ANK2: variants seen among roughly 807,000 people sequenced by gnomAD.
ANK2 encodes ankyrin 2.
In ANK2, 83 loss-of-function variants were observed where a neutral mutation model predicts 360.5. The observed-to-expected ratio is 0.23, with a 90% CI of 0.19 to 0.28. The LOEUF (loss-of-function observed/expected upper bound fraction) is 0.28. ANK2 is among the 10% of genes least tolerant of loss of function. The probability of loss-of-function intolerance (pLI) is 1.00; values close to 1 mark genes in which losing one functional copy is unlikely to be tolerated. For missense variants in ANK2, 4,201 were observed against 4,795.7 expected, an observed-to-expected ratio of 0.88 and a Z score of 3.66; for synonymous variants, 1,740 against 1,759.5, an observed-to-expected ratio of 0.99 and a Z score of 0.28.
intron 1 of ANK2, among the ~76,000 whole-genome samples, chr4:112,836,916 A>T (rs2061109115): frequency 6.6e-6 from 1 of 152,238 alleles, no homozygotes; most frequent in South Asian, 2.1e-4. Flanking sequence ...GCCTGACCAT[A>T]TGGTAGAAAA....
the ANK2 span, among the ~76,000 whole-genome samples, chr4:112,763,602 G>A: frequency 1.4e-5 from 2 of 144,286 alleles, no homozygotes; most frequent in African/African-American, 2.6e-5. Context: ...GGGCGATCTC[G>A]GCTCACTGCA....
chr4:112,931,870 A>G (rs1324725739), intron 2 of ANK2, among the ~76,000 whole-genome samples: 1 of 152,220 alleles, frequency 6.6e-6, no homozygotes, highest in Non-Finnish European at 1.5e-5. Flanking sequence ...ATTGGAAGTG[A>G]CATGAAATCA....
At chr4:113,293,280 A>T in intron 21 of ANK2, 160 bp from the exon 22 acceptor site, 1 of 726,582 alleles carries the variant, frequency 1.4e-6, no homozygotes, top group Non-Finnish European at 2.5e-6. Flanking sequence ...GAAGTTACAA[A>T]GACAGATTTA....
chr4:113,203,367 A>G (rs2098877611), intron 4 of ANK2, among the ~76,000 whole-genome samples: 2 of 151,990 alleles, frequency 1.3e-5, no homozygotes, highest in Non-Finnish European at 1.5e-5. Flanking sequence ...CAAAATCATG[A>G]GTTTCTTTAA....
chr4:112,976,408 G>T (rs1048400003), intron 2 of ANK2, among the ~76,000 whole-genome samples: 1 of 152,048 alleles, frequency 6.6e-6, no homozygotes, highest in Non-Finnish European at 1.5e-5. Flanking sequence ...TGGTCAGGCT[G>T]GTCTTGAACT....
intron 2 of ANK2, among the ~76,000 whole-genome samples, chr4:112,948,827 A>T (rs544386991): frequency 2.6e-5 from 4 of 152,084 alleles, no homozygotes; most frequent in Admixed American, 2.0e-4. Context: ...TTGTTTTTAG[A>T]TGTTTAGACT....
Position 113,356,619 on chromosome 4 carries a change from A to T in ANK2, c.8001A>T (p.Glu2667Asp), listed in dbSNP as rs1278548395. The change falls in exon 38 of 46, where the codon GAA becomes GAT. Residue 2667 changes from glutamate to aspartate, a missense_variant. Around this residue, in one of 4 missense-constraint regions of ANK2, gnomAD observed 2,642 missense variants for 2,714.5 expected, o/e 0.97. Coordinates refer to ENST00000357077, the MANE Select transcript of ANK2 (RefSeq NM_001148.6). ...SRKVSSSSES[E>D]PELAQLKKGA... is the part of the protein sequence containing the mutation. ...AGGTGTCTTCCTCCTCAGAAAGTGA[A>T]CCTGAGTTGGCACAGCTTAAAAAAG... 1 of 1,613,926 alleles carries T rather than the reference A, an allele frequency of 6.2e-7. No individual in the cohort carries two copies. The highest frequency in any genetic ancestry group is 8.5e-7 in the Non-Finnish European group (1 of 1,179,976).
At chr4:112,764,985 C>T in the ANK2 span, among the ~76,000 whole-genome samples, 134 of 152,172 alleles carry the variant, frequency 8.8e-4, no homozygotes, top group Non-Finnish European at 1.6e-3. Context: ...GGATTACAGG[C>T]GTGAGCCACC....
intron 1 of ANK2, among the ~76,000 whole-genome samples, chr4:113,146,517 T>A (rs2096841849): frequency 6.6e-6 from 1 of 152,354 alleles, no homozygotes; most frequent in Middle Eastern, 3.4e-3. Context: ...CTTTTCTTGT[T>A]ATGATAGTAA....
chr4:113,259,221 T>G (rs1191492632), intron 13 of ANK2, among the ~76,000 whole-genome samples: 1 of 152,132 alleles, frequency 6.6e-6, no homozygotes, highest in Non-Finnish European at 1.5e-5. Flanking sequence ...AGAGAACTTC[T>G]TTGCACAAGG....
At chr4:113,032,967 T>C (rs1313615139) in intron 2 of ANK2, among the ~76,000 whole-genome samples, 1 of 152,044 alleles carries the variant, frequency 6.6e-6, no homozygotes, top group African/African-American at 2.4e-5. Flanking sequence ...ATTCACTATA[T>C]CATAAAATAG....
At chr4:113,250,757 C>CCG (rs1409447290) in intron 10 of ANK2, among the ~76,000 whole-genome samples, 8 of 123,350 alleles carry the variant, frequency 6.5e-5, no homozygotes, top group African/African-American at 2.1e-4. Flanking sequence ...ATACCACCGC[C>CCG]CCCCCCCCCG....
intron 1 of ANK2, among the ~76,000 whole-genome samples, chr4:113,116,699 G>GGCAGCA (rs370654108): frequency 2.0e-5 from 3 of 151,752 alleles, no homozygotes; most frequent in Admixed American, 6.6e-5. Flanking sequence ...GCAGTAGCAC[G>GGCAGCA]GCAGCAGCAG....
At chr4:113,000,900 T>C (rs2050375388) in intron 2 of ANK2, among the ~76,000 whole-genome samples, 1 of 59,174 alleles carries the variant, frequency 1.7e-5, no homozygotes, top group Non-Finnish European at 4.0e-5. Flanking sequence ...TAATGACTAC[T>C]TCTTTATTTT....
At chr4:113,125,374 A>G (rs999617872) in intron 1 of ANK2, among the ~76,000 whole-genome samples, 27 of 152,180 alleles carry the variant, frequency 1.8e-4, no homozygotes, top group African/African-American at 5.5e-4. Flanking sequence ...AGTTTAGCCG[A>G]TAACCCTTTC....
intron 14 of ANK2, among the ~76,000 whole-genome samples, chr4:113,271,704 T>C (rs554504791): frequency 9.8e-5 from 15 of 152,290 alleles, no homozygotes; most frequent in African/African-American, 3.4e-4. Flanking sequence ...TCACAATATA[T>C]AACAAAAGAA....
At chr4:113,151,135 C>A in intron 1 of ANK2, 1 of 1,285,122 alleles carries the variant, frequency 7.8e-7, no homozygotes, top group African/African-American at 1.5e-5. Flanking sequence ...GTGATGGAAG[C>A]AAAAAAACAC....
At chr4:112,896,804 G>T (rs2081894154) in intron 1 of ANK2, among the ~76,000 whole-genome samples, 1 of 152,088 alleles carries the variant, frequency 6.6e-6, no homozygotes. Context: ...ATTCAGCCTT[G>T]GAACCACGGC....
intron 2 of ANK2, among the ~76,000 whole-genome samples, chr4:112,987,153 A>G (rs2045176246): frequency 6.6e-6 from 1 of 152,210 alleles, no homozygotes; most frequent in Non-Finnish European, 1.5e-5. Flanking sequence ...TAATTTCAAA[A>G]TATTGCATGG....
Sources: gnomAD v4.1 joint callset for allele counts (sites outside exome capture counted in the v4.1 genomes callset) on GRCh38, gnomAD v4.1.1 for gene constraint, gnomAD v4.1.1 regional missense constraint, MANE v1.5 for transcripts, NCBI Gene and HGNC (gene_info 2026-07-23, HGNC 2026-07-21) for gene names.